Variants in MED13L observed in about 807,000 individuals in gnomAD.
The protein encoded by MED13L is mediator complex subunit 13L.
A neutral mutation model predicts 220.9 loss-of-function variants in MED13L; 7 were observed. The observed-to-expected ratio is 0.03, with a 90% CI of 0.02 to 0.06. The LOEUF (loss-of-function observed/expected upper bound fraction) is 0.06, where lower values mean the gene tolerates loss of function less well. Among genes scored for constraint, MED13L ranks in the 10% least tolerant of loss-of-function variants. The probability of loss-of-function intolerance (pLI) is 1.00; values close to 1 mark genes in which losing one functional copy is unlikely to be tolerated. For missense variants in MED13L, 1,965 were observed against 2,760.5 expected (o/e 0.71, Z 6.46); for synonymous variants, 1,011 against 1,015.2 (o/e 1.00, Z 0.08).
At chr12:116,188,504 T>G (rs1464583862) in intron 2 of MED13L, among the ~76,000 whole-genome samples, 1 of 152,178 alleles carries the variant, frequency 6.6e-6, no homozygotes, top group Admixed American at 6.5e-5. Flanking sequence ...TTACATTAAT[T>G]TTCAATTAAG....
At chr12:116,173,447 TA>T (rs1276369630) in intron 2 of MED13L, among the ~76,000 whole-genome samples, 1 of 152,202 alleles carries the variant, frequency 6.6e-6, no homozygotes, top group Non-Finnish European at 1.5e-5. Flanking sequence ...TGTATTTTAA[TA>T]AGGCACAGGA....
chr12:116,141,742 C>G (rs1325951349), intron 2 of MED13L, among the ~76,000 whole-genome samples: 2 of 152,086 alleles, frequency 1.3e-5, no homozygotes, highest in African/African-American at 2.4e-5. Flanking sequence ...CTGGCTCTCC[C>G]CAACCCAGTG....
At chr12:116,217,217 T>C (rs922877184) in intron 2 of MED13L, among the ~76,000 whole-genome samples, 3 of 152,174 alleles carry the variant, frequency 2.0e-5, no homozygotes, top group South Asian at 4.1e-4. Context: ...CCCACCCACA[T>C]TGATGAAGAT....
chr12:116,168,102 T>C (rs1300882784), intron 2 of MED13L, among the ~76,000 whole-genome samples: 1 of 152,154 alleles, frequency 6.6e-6, no homozygotes, highest in Non-Finnish European at 1.5e-5. Context: ...CATCACCTAC[T>C]GAACCAATCT....
chr12:116,139,548 C>T lies in MED13L; in HGVS notation c.311-28036G>A, dbSNP rs181965470. ...TTCATTTAAGAAAAAGGATAAATGA[C>T]CCTCTTACAGTTACCATAAAATATT... is the stretch of plus-strand genomic sequence containing the variant. On this transcript the variant is annotated intron_variant, in intron 2 of 30. Coordinates refer to ENST00000281928, the MANE Select transcript of MED13L (RefSeq NM_015335.5). 1.1e-4 allele frequency among the ~76,000 whole-genome samples: 17 copies of T among 152,202 alleles called. No individual in the cohort carries two copies. The Middle Eastern group carries it at 0.014, about 122-fold the overall frequency.
intron 28 of MED13L, among the ~76,000 whole-genome samples, chr12:115,968,690 A>C (rs1419082446): frequency 6.6e-6 from 1 of 152,124 alleles, no homozygotes; most frequent in Non-Finnish European, 1.5e-5. Context: ...TGCATTAAAA[A>C]CCCTTGCATC....
chr12:116,207,230 G>C (rs1363911103), intron 2 of MED13L, among the ~76,000 whole-genome samples: 1 of 151,746 alleles, frequency 6.6e-6, no homozygotes, highest in African/African-American at 2.4e-5. Flanking sequence ...CAAACTCATG[G>C]GCTCGAAAGA....
chr12:116,221,407 T>C (rs577368060), intron 2 of MED13L, among the ~76,000 whole-genome samples: 1 of 151,346 alleles, frequency 6.6e-6, no homozygotes, highest in South Asian at 2.1e-4. Context: ...AGTATCAAAA[T>C]TTTCCCTGAA....
intron 27 of MED13L, among the ~76,000 whole-genome samples, chr12:115,969,813 C>A (rs989138362): frequency 4.6e-5 from 7 of 152,062 alleles, no homozygotes; most frequent in African/African-American, 1.7e-4. Context: ...CATAAGCCAC[C>A]GTGCCTGGCC....
In MED13L at chr12:115,984,220, G is replaced by C; in HGVS notation, c.4491C>G (p.Ser1497=). Residue 1497 remains serine (S), a synonymous_variant, in exon 20 of 31, where the codon TCC becomes TCG. Coordinates refer to ENST00000281928, the MANE Select transcript of MED13L (RefSeq NM_015335.5). ...PWSGEENDNH[S]RLKLYAQVCR... ...AAACTTGCGCATAAAGTTTGAGTCT[G>C]GAATGATTGTCATTCTCCTCGCCGC... The C allele has an allele frequency of 1.2e-6, 2 of 1,613,886 alleles. No homozygotes were observed. The highest frequency in any genetic ancestry group is 1.7e-6 in the Non-Finnish European group (2 of 1,179,946).
chr12:116,080,941 G>A (rs1207261653), intron 4 of MED13L, among the ~76,000 whole-genome samples: 2 of 152,104 alleles, frequency 1.3e-5, no homozygotes, highest in Non-Finnish European at 2.9e-5. Flanking sequence ...GGAATACGAA[G>A]GTATTCCTAG....
intron 2 of MED13L, among the ~76,000 whole-genome samples, chr12:116,192,135 C>T (rs1335905183): frequency 3.3e-5 from 5 of 152,152 alleles, no homozygotes; most frequent in Admixed American, 6.5e-5. Context: ...TTCAGGGCAA[C>T]GGAAGGGTGG....
intron 2 of MED13L, among the ~76,000 whole-genome samples, chr12:116,172,179 T>G (rs1436078601): frequency 6.6e-6 from 1 of 152,204 alleles, no homozygotes; most frequent in Non-Finnish European, 1.5e-5. Context: ...ACACTCCTAT[T>G]TCATATAAGT....
chr12:116,148,051 C>CAAAAAAAAAAAAAAAAAAAAAAA (rs10678970), intron 2 of MED13L, among the ~76,000 whole-genome samples: 11 of 18,138 alleles, frequency 6.1e-4, no homozygotes, highest in African/African-American at 9.4e-4. Flanking sequence ...GACCCCATCT[C>CAAAAAAAAAAAAAAAAAAAAAAA]AAAAAAAAAA....
chr12:116,174,578 T>C (rs1354404459), intron 2 of MED13L: 1 of 152,080 alleles, frequency 6.6e-6, no homozygotes, highest in Non-Finnish European at 1.5e-5. Flanking sequence ...TGCTAACAGA[T>C]AGGCCCCATA....
intron 4 of MED13L, among the ~76,000 whole-genome samples, chr12:116,086,234 A>G (rs1008014434): frequency 6.6e-6 from 1 of 152,116 alleles, no homozygotes; most frequent in Non-Finnish European, 1.5e-5. Context: ...GCAGCTCCAC[A>G]GTTTCCGTAA....
chr12:116,020,825 C>T (rs1430642766), intron 5 of MED13L, among the ~76,000 whole-genome samples: 1 of 152,084 alleles, frequency 6.6e-6, no homozygotes, highest in African/African-American at 2.4e-5. Flanking sequence ...GCCACTTTTT[C>T]TTAATTCTAA....
intron 1 of MED13L, among the ~76,000 whole-genome samples, chr12:116,252,474 G>C (rs948953663): frequency 1.3e-5 from 2 of 152,076 alleles, no homozygotes; most frequent in Non-Finnish European, 2.9e-5. Context: ...AGGACACTGA[G>C]GTTGCAGTGA....
intron 2 of MED13L, among the ~76,000 whole-genome samples, chr12:116,113,340 T>C (rs1874238644): frequency 6.6e-6 from 1 of 151,746 alleles, no homozygotes; most frequent in Admixed American, 6.6e-5. Flanking sequence ...TCTCCAAATA[T>C]ACTTGAAAAT....
Sources: allele counts gnomAD v4.1 joint callset (sites outside exome capture counted in the v4.1 genomes callset), GRCh38; gene constraint gnomAD v4.1.1; transcripts MANE v1.5; gene names NCBI Gene and HGNC (gene_info 2026-07-23, HGNC 2026-07-21).